The following EPRS1 variants were observed in gnomAD, a reference collection of about 807,000 sequenced individuals.
EPRS1 encodes the protein bifunctional glutamate/proline--tRNA ligase.
A neutral mutation model predicts 188.3 loss-of-function variants in EPRS1; 107 were observed. The observed-to-expected ratio is 0.57, with a 90% CI of 0.49 to 0.67. The LOEUF (loss-of-function observed/expected upper bound fraction) is 0.67, where lower values mean the gene tolerates loss of function less well. EPRS1 is among the 30% of genes least tolerant of loss of function. EPRS1 has a pLI of 0.00. For synonymous variants in EPRS1, 596 were observed against 593.1 expected, an observed-to-expected ratio of 1.00 and a Z score of -0.07; for missense variants, 1,577 against 1,802.2, an observed-to-expected ratio of 0.88 and a Z score of 2.26.
intron 16 of EPRS1, among the ~76,000 whole-genome samples, chr1:220,002,510 T>C (rs550944736): frequency 6.6e-6 from 1 of 152,312 alleles, no homozygotes; most frequent in African/African-American, 2.4e-5. Context: ...TTTGTCTACA[T>C]ACCACACCTA....
chr1:220,011,075 C>T lies in EPRS1; in HGVS notation c.1495-19G>A, dbSNP rs766123389. 1 of 1,333,174 alleles carries T rather than the reference C, an allele frequency of 7.5e-7. No homozygotes were observed. The highest frequency in any genetic ancestry group is 1.1e-6 in the Non-Finnish European group (1 of 924,296). The allele number at this position is 1,333,174 out of a possible 1,614,324, so 82.6% of individuals were successfully genotyped here. ...CAATAACCTGCAACAAATACATCCT[C>T]ATGTTAAAACACTGCGATATCTTAT... On this transcript the variant is annotated intron_variant, in intron 12 of 31. Transcript: ENST00000366923.
rs1662267529 is a variant in EPRS1 at position 220,040,265 on chromosome 1, A to C, written c.51T>G (p.Ala17=). 1.3e-6 allele frequency: 2 copies of C among 1,593,274 alleles called. No homozygotes were observed. The highest frequency in any genetic ancestry group is 2.7e-5 in the African/African-American group (2 of 74,484). The change falls in exon 2 of 32, where the codon GCT becomes GCG. Residue 17 remains alanine, a synonymous_variant. Transcript: ENST00000366923. ...CTTTCACGTGTTCTACTGCCAGCAA[A>C]GCTCCTATAAATAATATGAAAAGAT... ...TVNSGDPPLG[A]LLAVEHVKDD... is the part of the protein sequence containing the mutation.
At chr1:219,974,214 G>T (rs1471266577) in intron 28 of EPRS1, among the ~76,000 whole-genome samples, 2 of 152,176 alleles carry the variant, frequency 1.3e-5, no homozygotes, top group African/African-American at 4.8e-5. Flanking sequence ...AAATTGCTGG[G>T]ATTATAGACG....
intron 17 of EPRS1, 57 bp from the exon 18 acceptor site, chr1:219,997,399 C>T (rs568256522): frequency 1.1e-5 from 15 of 1,399,824 alleles, no homozygotes; most frequent in Non-Finnish European, 1.4e-5. Context: ...TGTTTTCCCA[C>T]AAAATTATTT....
At chr1:219,984,949 A>T (rs1489147086) in intron 20 of EPRS1, among the ~76,000 whole-genome samples, 1 of 151,588 alleles carries the variant, frequency 6.6e-6, no homozygotes, top group East Asian at 2.0e-4. Flanking sequence ...CTGAGGCAGG[A>T]GAATGAATCG....
At chr1:219,969,184 G>C in intron 30 of EPRS1, 62 bp from the exon 31 acceptor site, 2 of 1,167,376 alleles carry the variant, frequency 1.7e-6, no homozygotes, top group Middle Eastern at 2.6e-4. Flanking sequence ...TCTGCAGAAG[G>C]AACATTTGAG....
intron 16 of EPRS1, among the ~76,000 whole-genome samples, chr1:220,004,236 G>A (rs1462856846): frequency 1.3e-5 from 2 of 152,090 alleles, no homozygotes; most frequent in African/African-American, 2.4e-5. Flanking sequence ...GTCTCACTAT[G>A]TTGCCCAGGC....
chr1:220,005,400 T>C (rs761129471), intron 15 of EPRS1, 40 bp from the exon 16 acceptor site: 7 of 1,023,092 alleles, frequency 6.8e-6, no homozygotes, highest in Non-Finnish European at 1.0e-5. Flanking sequence ...TTTCTCAAAA[T>C]CATAGTAGTA....
rs749937045 is a variant in EPRS1 at position 219,984,259 on chromosome 1, T to C, written c.3039-2A>G. 1 of 1,610,626 alleles carries C rather than the reference T, an allele frequency of 6.2e-7. No homozygotes were observed. Among genetic ancestry groups the C allele is most frequent in the South Asian group, 1.1e-5 (1 of 91,002 alleles). ...TCTTTTTTTGCCTCAAGACCCAACC[T>C]GCAGATGTGAAAAGTAAAAGATAAA... On this transcript the variant is annotated splice_acceptor_variant, in intron 20 of 31. Transcript: ENST00000366923. LOFTEE classifies it high-confidence loss of function.
At chr1:220,017,768 T>C (rs918620025) in intron 12 of EPRS1, among the ~76,000 whole-genome samples, 19 of 152,058 alleles carry the variant, frequency 1.2e-4, no homozygotes, top group African/African-American at 4.3e-4. Context: ...GCAATGTTCC[T>C]CATTTGACTT....
At chr1:220,019,966 T>C in intron 10 of EPRS1, 22 bp downstream of exon 10, 1 of 1,514,254 alleles carries the variant, frequency 6.6e-7, no homozygotes, top group Non-Finnish European at 9.2e-7. Context: ...TTCTTGTCAA[T>C]TCTAAGTAAC....
chr1:219,999,378 A>G (rs1661300732), intron 17 of EPRS1, among the ~76,000 whole-genome samples: 1 of 152,126 alleles, frequency 6.6e-6, no homozygotes, highest in Admixed American at 6.6e-5. Context: ...CCTCCCACCA[A>G]GAAGGGGGAT....
At chr1:219,975,773 T>C (rs912230346) in intron 28 of EPRS1, among the ~76,000 whole-genome samples, 3 of 152,100 alleles carry the variant, frequency 2.0e-5, no homozygotes, top group Non-Finnish European at 4.4e-5. Flanking sequence ...AAAGTATAGA[T>C]ATAAACTCTT....
chr1:220,027,757 C>T (rs1467831443), intron 6 of EPRS1, among the ~76,000 whole-genome samples: 12 of 152,038 alleles, frequency 7.9e-5, no homozygotes, highest in African/African-American at 2.9e-4. Flanking sequence ...CCAAGGCAGG[C>T]GGATCACCTG....
intron 16 of EPRS1, 26 bp from the exon 17 acceptor site, chr1:220,001,281 T>G: frequency 7.1e-7 from 1 of 1,407,370 alleles, no homozygotes; most frequent in South Asian, 1.2e-5. Context: ...AGGGACAAAA[T>G]AGTTTATTTG....
intron 1 of EPRS1, among the ~76,000 whole-genome samples, chr1:220,041,717 G>C (rs1441286842): frequency 6.6e-6 from 1 of 152,142 alleles, no homozygotes; most frequent in African/African-American, 2.4e-5. Flanking sequence ...GCACATGCCT[G>C]TAATCCCAGC....
chr1:220,003,054 A>G (rs921214555), intron 16 of EPRS1, among the ~76,000 whole-genome samples: 1 of 152,174 alleles, frequency 6.6e-6, no homozygotes, highest in South Asian at 2.1e-4. Context: ...GAATCATCCA[A>G]CTGTTTTTCC....
intron 6 of EPRS1, among the ~76,000 whole-genome samples, chr1:220,028,687 G>A (rs1239126182): frequency 6.6e-6 from 1 of 152,156 alleles, no homozygotes; most frequent in African/African-American, 2.4e-5. Context: ...TCCTCAGAAG[G>A]CTGTTGGGAT....
chr1:220,031,256 G>T (rs1481714723), intron 5 of EPRS1, among the ~76,000 whole-genome samples: 1 of 152,126 alleles, frequency 6.6e-6, no homozygotes, highest in African/African-American at 2.4e-5. Context: ...AAAACACAGA[G>T]GACCTTTTAA....
Sources: allele counts gnomAD v4.1 joint callset (sites outside exome capture counted in the v4.1 genomes callset), GRCh38; gene constraint gnomAD v4.1.1; transcripts MANE v1.5; gene names NCBI Gene and HGNC (gene_info 2026-07-23, HGNC 2026-07-21).